Variants in PTGER3 observed in about 807,000 individuals in gnomAD.
PTGER3 encodes the protein prostaglandin E2 receptor EP3 subtype.
Under a neutral mutation model 34.7 loss-of-function variants are expected in PTGER3, and 22 were observed. The observed-to-expected ratio is 0.63, with a 90% CI of 0.45 to 0.91. The LOEUF (loss-of-function observed/expected upper bound fraction) is 0.91, where lower values mean the gene tolerates loss of function less well. Ranked by LOEUF, PTGER3 falls within the 40% of genes least tolerant of loss-of-function variation. The pLI is 0.00. For missense variants in PTGER3, 468 were observed against 519.4 expected, an observed-to-expected ratio of 0.90 and a Z score of 0.96; for synonymous variants, 241 against 230.1, an observed-to-expected ratio of 1.05 and a Z score of -0.43.
chr1:71,001,848 A>G (rs1656523543), intron 2 of PTGER3, among the ~76,000 whole-genome samples: 1 of 152,234 alleles, frequency 6.6e-6, no homozygotes, highest in African/African-American at 2.4e-5. Context: ...GCCCAATACT[A>G]AACTGGGAAG....
intron 2 of PTGER3, chr1:71,009,918 A>C (rs1657293913): frequency 1.0e-6 from 1 of 985,114 alleles, no homozygotes; most frequent in Admixed American, 6.2e-5. Flanking sequence ...CATCATGAAA[A>C]GGCTGAAATC....
intron 4 of PTGER3, among the ~76,000 whole-genome samples, chr1:70,861,762 A>G (rs1384284205): frequency 6.6e-6 from 1 of 151,578 alleles, no homozygotes; most frequent in Non-Finnish European, 1.5e-5. Context: ...TTTCTCTCTC[A>G]GAATATTTAT....
At chr1:71,010,841 C>T (rs1572923633) in intron 2 of PTGER3, 1 of 984,874 alleles carries the variant, frequency 1.0e-6, no homozygotes, top group Non-Finnish European at 1.2e-6. Context: ...GTGTATATAT[C>T]AATCTGATAG....
At position 71,024,468 on chromosome 1, in the gene PTGER3, C is replaced by T. The variant is rs1268872620; in HGVS notation, c.898-11984G>A. Among the ~76,000 whole-genome samples the T allele has an allele frequency of 5.9e-5, 9 of 152,006 alleles. 1 individual carries two copies. ...ATTGTTACAAGAGTAGGGATCAATT[C>T]TATCCTATATTCTAGGTATATCACA... On this transcript the variant is annotated intron_variant, in intron 1 of 3. Coordinates refer to ENST00000306666, the MANE Select transcript of PTGER3 (RefSeq NM_198719.2).
chr1:70,904,094 T>A (rs74882592), intron 4 of PTGER3, among the ~76,000 whole-genome samples: 3 of 151,872 alleles, frequency 2.0e-5, no homozygotes, highest in Admixed American at 6.6e-5. Context: ...CTGATGGTTT[T>A]AAAACTGGAG....
rs560948412 is a variant in PTGER3 at position 70,860,532 on chromosome 1, T to A, written c.*24-7673A>T. ...TAAATGGATGTATAGCTTACATTTA[T>A]CTCAAGGTTTAAGATTAGAAGGGTT... On this transcript the variant is annotated intron_variant, in intron 4 of 4. Transcript: ENST00000370931. 6.6e-5 allele frequency among the ~76,000 whole-genome samples: 10 copies of A among 152,310 alleles called. No individual in the cohort carries two copies. The South Asian group carries it at 1.9e-3, about 28-fold the overall frequency.
chr1:71,006,607 A>G, intron 2 of PTGER3: 1 of 979,132 alleles, frequency 1.0e-6, no homozygotes, highest in Non-Finnish European at 1.2e-6. Flanking sequence ...AATAAAACAA[A>G]GAAACATCAT....
chr1:71,029,703 A>T (rs1659235200), intron 1 of PTGER3, among the ~76,000 whole-genome samples: 1 of 152,064 alleles, frequency 6.6e-6, no homozygotes, highest in African/African-American at 2.4e-5. Context: ...AGGCAGGAGG[A>T]TCACTTGAGG....
intron 1 of PTGER3, among the ~76,000 whole-genome samples, chr1:71,041,305 A>G (rs1283488706): frequency 3.3e-5 from 5 of 152,236 alleles, no homozygotes; most frequent in Non-Finnish European, 7.3e-5. Flanking sequence ...TCCACTGTGG[A>G]GTATTGGTTG....
At chr1:70,906,089 G>A (rs1188838830) in intron 4 of PTGER3, among the ~76,000 whole-genome samples, 2 of 152,018 alleles carry the variant, frequency 1.3e-5, no homozygotes, top group East Asian at 1.9e-4. Context: ...TGCCACCATC[G>A]ATGTAAGATG....
chr1:71,009,868 C>A, intron 2 of PTGER3: 2 of 985,202 alleles, frequency 2.0e-6, no homozygotes, highest in Non-Finnish European at 2.4e-6. Flanking sequence ...TTTCTAACCA[C>A]CGCTCTAGTC....
intron 2 of PTGER3, among the ~76,000 whole-genome samples, chr1:71,001,042 GA>G (rs1321253948): frequency 6.6e-6 from 1 of 152,028 alleles, no homozygotes; most frequent in East Asian, 1.9e-4. Context: ...AAAAAACATT[GA>G]AAAAATAAGC....
At chr1:70,991,010 C>T (rs191101912) in intron 2 of PTGER3, among the ~76,000 whole-genome samples, 2 of 152,318 alleles carry the variant, frequency 1.3e-5, no homozygotes, top group Non-Finnish European at 2.9e-5. Context: ...TCATTCACTT[C>T]ATAGGCTTCC....
chr1:70,876,568 C>A (rs934183810), intron 4 of PTGER3, among the ~76,000 whole-genome samples: 3 of 152,006 alleles, frequency 2.0e-5, no homozygotes, highest in African/African-American at 7.2e-5. Context: ...AGGTTATCTT[C>A]CAGGGTTTTC....
intron 2 of PTGER3, among the ~76,000 whole-genome samples, chr1:70,976,306 C>T (rs371217140): frequency 6.6e-5 from 10 of 152,164 alleles, no homozygotes; most frequent in African/African-American, 2.4e-4. Context: ...GAATGTACAA[C>T]AGCAAGAGTG....
At chr1:70,872,466 T>A (rs964713963) in intron 4 of PTGER3, among the ~76,000 whole-genome samples, 2 of 152,232 alleles carry the variant, frequency 1.3e-5, no homozygotes, top group African/African-American at 4.8e-5. Context: ...ACTGACTATG[T>A]TCCAGGTACT....
chr1:71,047,290 C>A lies in PTGER3; in HGVS notation c.288G>T (p.Ala96=), dbSNP rs766269471. Residue 96 remains alanine, a synonymous_variant, in exon 1 of 4, where the codon GCG becomes GCT. Coordinates refer to ENST00000306666, the MANE Select transcript of PTGER3 (RefSeq NM_198719.2). The stretch of plus-strand genomic sequence containing the variant: ...GAAGCTGCCCGACCAGGTCGGTGAG[C>A]GCCAGCCAGCCGATGCACAGCAGGA... ...KSFLLCIGWL[A]LTDLVGQLLT... 4.4e-6 allele frequency: 7 copies of A among 1,598,050 alleles called. No homozygotes were observed. In the African/African-American group the frequency reaches 6.7e-5, roughly 15 times the overall value.
At chr1:70,958,341 T>C (rs1651572627) in intron 2 of PTGER3, among the ~76,000 whole-genome samples, 1 of 152,178 alleles carries the variant, frequency 6.6e-6, no homozygotes, top group South Asian at 2.1e-4. Flanking sequence ...CCCTTTCCTT[T>C]GCCAGCATGT....
chr1:71,000,377 G>A (rs1304203300), intron 2 of PTGER3, among the ~76,000 whole-genome samples: 1 of 152,152 alleles, frequency 6.6e-6, no homozygotes, highest in African/African-American at 2.4e-5. Flanking sequence ...AAAAGTGTAG[G>A]TGCTCATAAA....
Sources: gnomAD v4.1 joint callset for allele counts (sites outside exome capture counted in the v4.1 genomes callset) on GRCh38, gnomAD v4.1.1 for gene constraint, MANE v1.5 for transcripts, NCBI Gene and HGNC (gene_info 2026-07-23, HGNC 2026-07-21) for gene names.